Variants in PCDHGB3 observed in about 807,000 individuals in gnomAD.
The protein encoded by PCDHGB3 is protocadherin gamma subfamily B, 3.
In PCDHGB3, 40 loss-of-function variants were observed where a neutral mutation model predicts 59.2. That is an observed-to-expected ratio of 0.68 (90% CI 0.52 to 0.88). The LOEUF (loss-of-function observed/expected upper bound fraction) is 0.88. PCDHGB3 is among the 40% of genes least tolerant of loss of function. The pLI, the probability that PCDHGB3 is intolerant of heterozygous loss-of-function variation, is 0.00. For synonymous variants in PCDHGB3, 581 were observed against 503.6 expected, an observed-to-expected ratio of 1.15 and a Z score of -2.06; for missense variants, 1,309 against 1,187.9, an observed-to-expected ratio of 1.10 and a Z score of -1.50.
In PCDHGB3 at chr5:141,419,493, A is replaced by G. The variant is rs1246204844; in HGVS notation, c.2415+46684A>G. 5.0e-6 allele frequency: 8 copies of G among 1,612,382 alleles called. No individual in the cohort carries two copies. The highest frequency in any genetic ancestry group is 1.7e-4 in the Middle Eastern group (1 of 5,978). On this transcript the variant is annotated intron_variant, in intron 1 of 3. Coordinates refer to ENST00000576222, the MANE Select transcript of PCDHGB3 (RefSeq NM_018924.5). ...CAGGGCTCGCCCGCGCTCAGCGCCA[A>G]TGTGAGCCTGCGCGTGTTGGTGGGC...
chr5:141,405,410 TTTTTGTTTTTTG>T lies in PCDHGB3; in HGVS notation c.2415+32611_2415+32622del, dbSNP rs1345529499. 4 of 1,557,296 alleles carry T rather than the reference TTTTTGTTTTTTG, an allele frequency of 2.6e-6. No individual in the cohort carries two copies. In the South Asian group the frequency reaches 4.6e-5, roughly 18 times the overall value. ...ATTTTTTTTCTTTCTTTCTTTTCTT[TTTTTGTTTTTTG>T]TTTTGTTTTGTTTTTGAGACAGAGT... On this transcript the variant is annotated intron_variant, in intron 1 of 3. Transcript: ENST00000576222.
rs55729045 is a variant in PCDHGB3 at position 141,395,542 on chromosome 5, TTGTGTGTGTGTGTG to T, written c.2415+22769_2415+22782del. ...TCCATACTGGTAATTTTGCTATTGT[TTGTGTGTGTGTGTG>T]TGTGTGTGTGTGTGTGTGTGTGTGT... On this transcript the variant is annotated intron_variant, in intron 1 of 3. Transcript: ENST00000576222. The T allele has an allele frequency of 6.1e-4, 106 of 172,624 alleles. 1 individual carries two copies. Among genetic ancestry groups the T allele is most frequent in the South Asian group, 8.7e-4 (10 of 11,526 alleles). The allele number at this position is 172,624 out of a possible 1,614,324, so 10.7% of individuals were successfully genotyped here.
At chr5:141,483,082 C>T (rs2099576709) in intron 1 of PCDHGB3, among the ~76,000 whole-genome samples, 1 of 151,662 alleles carries the variant, frequency 6.6e-6, no homozygotes, top group African/African-American at 2.4e-5. Flanking sequence ...GAGACTCCAT[C>T]TCAAAAAAAA....
rs532517723 is a variant in PCDHGB3, at chr5:141,486,244, A to G, written c.2416-8563A>G. The G allele has an allele frequency of 1.2e-5, 19 of 1,614,068 alleles. No homozygotes were observed. The Admixed American group carries it at 2.3e-4, about 20-fold the overall frequency. On this transcript the variant is annotated intron_variant, in intron 1 of 3. Coordinates refer to ENST00000576222, the MANE Select transcript of PCDHGB3 (RefSeq NM_018924.5). This position sits in a 1 kb window ranked among gnomAD's most constrained non-coding sequence, Gnocchi z 5.0. ...ACATCACAGTGACCTCAGAGCTTGGAACCCTCCCCGAGAGTGCAGAACCTG... is the reference window on the plus strand; with the variant it reads ...ACATCACAGTGACCTCAGAGCTTGGGACCCTCCCCGAGAGTGCAGAACCTG...
intron 1 of PCDHGB3, among the ~76,000 whole-genome samples, chr5:141,429,629 C>G (rs2097230011): frequency 1.3e-5 from 2 of 152,160 alleles, no homozygotes; most frequent in Admixed American, 1.3e-4. Flanking sequence ...TATTTTCTCA[C>G]AGCTACCTAT....
chr5:141,490,730 A>C lies in PCDHGB3; in HGVS notation c.2416-4077A>C. On this transcript the variant is annotated intron_variant, in intron 1 of 3. Coordinates refer to ENST00000576222, the MANE Select transcript of PCDHGB3 (RefSeq NM_018924.5). This position sits in a 1 kb window ranked among gnomAD's most constrained non-coding sequence, Gnocchi z 5.4. ...CTCACCTACTCCATTGTAGGAAATC[A>C]GGTTCAGGGAGCCCCAGCCTCCTCC... 6.2e-7 allele frequency: 1 copy of C among 1,614,188 alleles called. No homozygotes were observed. Among genetic ancestry groups the C allele is most frequent in the Non-Finnish European group, 8.5e-7 (1 of 1,180,024 alleles).
chr5:141,384,261 C>G (rs1561601309), intron 1 of PCDHGB3: 1 of 1,613,910 alleles, frequency 6.2e-7, no homozygotes, highest in East Asian at 2.2e-5. Context: ...CCTTCCCCCA[C>G]TCATCCTACT....
At position 141,371,897 on chromosome 5, in the gene PCDHGB3, G is replaced by A; in HGVS notation, c.1503G>A (p.Leu501=). 1 of 1,613,408 alleles carries A rather than the reference G, an allele frequency of 6.2e-7. No homozygotes were observed. The highest frequency in any genetic ancestry group is 8.5e-7 in the Non-Finnish European group (1 of 1,179,900). ...IVASDLEPRE[L]SSYVSVSARS... ...CCAGTGACCTGGAGCCGCGGGAGCT[G>A]TCGTCCTACGTGTCCGTGAGCGCGC... The change falls in exon 1 of 4, where the codon CTG becomes CTA. Residue 501 remains leucine, a synonymous_variant. Transcript: ENST00000576222.
At position 141,431,525 on chromosome 5, in the gene PCDHGB3, G is replaced by A. The variant is rs1390184616; in HGVS notation, c.2415+58716G>A. The A allele has an allele frequency of 5.6e-6, 9 of 1,613,956 alleles. No individual in the cohort carries two copies. Among genetic ancestry groups the A allele is most frequent in the Non-Finnish European group, 7.6e-6 (9 of 1,180,044 alleles). ...CCGCGCGAGCGTTCCGGAGAATCTG[G>A]CCTTGGGCACGCAGCTGCTTGTAGT... On this transcript the variant is annotated intron_variant, in intron 1 of 3. Transcript: ENST00000576222. This position sits in a 1 kb window ranked among gnomAD's most constrained non-coding sequence, Gnocchi z 4.8.
chr5:141,374,701 C>CA (rs1561563973), intron 1 of PCDHGB3: 1 of 1,608,962 alleles, frequency 6.2e-7, no homozygotes, highest in South Asian at 1.1e-5. Context: ...AAGGAGAAGC[C>CA]GTTTACCGCC....
Position 141,489,400 on chromosome 5 carries a change from T to A in PCDHGB3, c.2416-5407T>A. 6.2e-7 allele frequency: 1 copy of A among 1,614,134 alleles called. No individual in the cohort carries two copies. Among genetic ancestry groups the A allele is most frequent in the Non-Finnish European group, 8.5e-7 (1 of 1,180,020 alleles). On this transcript the variant is annotated intron_variant, in intron 1 of 3. Transcript: ENST00000576222. This position sits in a 1 kb window ranked among gnomAD's most constrained non-coding sequence, Gnocchi z 4.5. ...GGGGAATGTTGCTCAGGATCTGGGC[T>A]TAAAGATGACAGATCTGTTGAGCCG...
intron 1 of PCDHGB3, among the ~76,000 whole-genome samples, chr5:141,401,180 A>G (rs1006390606): frequency 2.6e-5 from 4 of 152,196 alleles, no homozygotes; most frequent in Non-Finnish European, 5.9e-5. Context: ...CGTCTCTACT[A>G]AAAATACAAA....
intron 1 of PCDHGB3, among the ~76,000 whole-genome samples, chr5:141,437,781 A>G (rs957126405): frequency 7.3e-5 from 11 of 149,878 alleles, no homozygotes; most frequent in Admixed American, 6.7e-5. Flanking sequence ...ATCTGTCGCC[A>G]AGCTGGAGTG....
At chr5:141,430,327 T>C (rs1250968800) in intron 1 of PCDHGB3, among the ~76,000 whole-genome samples, 7 of 152,042 alleles carry the variant, frequency 4.6e-5, no homozygotes, top group Non-Finnish European at 1.5e-5. Context: ...AAAATCATTG[T>C]TTATAGAAAC....
At position 141,405,389 on chromosome 5, in the gene PCDHGB3, T is replaced by C. The variant is rs577174600; in HGVS notation, c.2415+32580T>C. ...CCCTTTGGTTCCGGTGAGTTCATTT[T>C]TTTTCTTTCTTTCTTTTCTTTTTTT... On this transcript the variant is annotated intron_variant, in intron 1 of 3. Transcript: ENST00000576222. The C allele has an allele frequency of 2.5e-6, 4 of 1,600,534 alleles. No individual in the cohort carries two copies. The East Asian group carries it at 6.7e-5, about 27-fold the overall frequency.
In PCDHGB3 at chr5:141,370,623, G is replaced by A. The variant is rs1269464778; in HGVS notation, c.229G>A (p.Val77Met). ...TATTGCAGAGAAGAAATTCTTTACCGTGAGCCCCGAAAATGGGAACTTACT... is the reference window on the plus strand; with the variant it reads ...TATTGCAGAGAAGAAATTCTTTACCATGAGCCCCGAAAATGGGAACTTACT... Reference protein sequence around the residue: ...RVIAEKKFFTVSPENGNLLVS... With the variant: ...RVIAEKKFFTMSPENGNLLVS... The change falls in exon 1 of 4, where the codon GTG becomes ATG. Residue 77 changes from valine (V) to methionine (M), a missense_variant. Physicochemically the swap from Val to Met is conservative, Grantham distance 21 (BLOSUM62 1). Transcript: ENST00000576222. The A allele has an allele frequency of 1.9e-6, 3 of 1,613,940 alleles. No individual in the cohort carries two copies. Among genetic ancestry groups the A allele is most frequent in the East Asian group, 2.2e-5 (1 of 44,888 alleles).
chr5:141,422,043 G>A (rs1307532347), intron 1 of PCDHGB3: 13 of 1,611,504 alleles, frequency 8.1e-6, no homozygotes, highest in African/African-American at 1.3e-5. Flanking sequence ...ATCCAGACGA[G>A]GGAATCAACG....
intron 1 of PCDHGB3, among the ~76,000 whole-genome samples, chr5:141,435,561 T>A (rs2154556722): frequency 6.6e-6 from 1 of 152,294 alleles, no homozygotes; most frequent in South Asian, 2.1e-4. Flanking sequence ...TGAGTGCTTT[T>A]TTTAGTACTG....
At chr5:141,381,826 C>CTTTTTTTTTTTTTTTT (rs770630741) in intron 1 of PCDHGB3, among the ~76,000 whole-genome samples, 8 of 74,282 alleles carry the variant, frequency 1.1e-4, no homozygotes, top group African/African-American at 1.9e-4. Flanking sequence ...CTTTCTTCTT[C>CTTTTTTTTTTTTTTTT]TTTTTTTTTT....
Sources: allele counts gnomAD v4.1 joint callset (sites outside exome capture counted in the v4.1 genomes callset), GRCh38; gene constraint gnomAD v4.1.1; non-coding constraint Gnocchi (gnomAD v3.1); transcripts MANE v1.5; gene names NCBI Gene and HGNC (gene_info 2026-07-23, HGNC 2026-07-21).